PIP5K1B: variants seen among roughly 807,000 people sequenced by gnomAD.
The protein encoded by PIP5K1B is phosphatidylinositol-4-phosphate 5-kinase type 1 beta.
Under a neutral mutation model 67.0 loss-of-function variants are expected in PIP5K1B, and 42 were observed. The observed-to-expected ratio is 0.63, with a 90% CI of 0.49 to 0.81. The LOEUF (loss-of-function observed/expected upper bound fraction) is 0.81. PIP5K1B is among the 30% of genes least tolerant of loss of function. The pLI is 0.00. For synonymous variants in PIP5K1B, 214 were observed against 231.4 expected, an observed-to-expected ratio of 0.92 and a Z score of 0.68; for missense variants, 459 against 646.3, an observed-to-expected ratio of 0.71 and a Z score of 3.14.
intron 2 of PIP5K1B, among the ~76,000 whole-genome samples, chr9:68,743,819 C>T (rs1420030267): frequency 1.3e-5 from 2 of 152,198 alleles, no homozygotes; most frequent in Non-Finnish European, 2.9e-5. Context: ...AAAGAGGCCC[C>T]TGTCCTTCTA....
chr9:68,897,177 T>C (rs1269783029), intron 8 of PIP5K1B, among the ~76,000 whole-genome samples: 1 of 152,174 alleles, frequency 6.6e-6, no homozygotes, highest in Non-Finnish European at 1.5e-5. Flanking sequence ...TCTCCTCTGC[T>C]AAAATTCCTG....
In PIP5K1B at chr9:68,798,519, C is replaced by T. The variant is rs1446918050; in HGVS notation, c.-85-19942C>T. On this transcript the variant is annotated intron_variant, in intron 2 of 15. Coordinates refer to ENST00000265382, the MANE Select transcript of PIP5K1B (RefSeq NM_003558.4). Reference sequence around the variant, plus strand: ...GCTGAGAACTTGAACCACAGAGAAGCACCTGCTTTGGGTAGAGTGGCCAGG... The same window carrying T: ...GCTGAGAACTTGAACCACAGAGAAGTACCTGCTTTGGGTAGAGTGGCCAGG... Among the ~76,000 whole-genome samples the T allele has an allele frequency of 2.0e-5, 3 of 152,058 alleles. No homozygotes were observed. The East Asian group carries it at 5.8e-4, about 29-fold the overall frequency.
chr9:68,750,524 T>G (rs1237355976), intron 2 of PIP5K1B, among the ~76,000 whole-genome samples: 4 of 152,186 alleles, frequency 2.6e-5, no homozygotes, highest in Non-Finnish European at 5.9e-5. Flanking sequence ...TTTAGCAGGT[T>G]TTGGTGAAAT....
intron 2 of PIP5K1B, chr9:68,784,141 G>T (rs1337404283): frequency 6.0e-6 from 1 of 167,082 alleles, no homozygotes; most frequent in East Asian, 1.9e-4. Flanking sequence ...GGTTCTAAGG[G>T]CATGTGGACA....
chr9:68,960,866 A>G (rs1376988582), intron 14 of PIP5K1B, among the ~76,000 whole-genome samples: 4 of 152,214 alleles, frequency 2.6e-5, no homozygotes, highest in Admixed American at 6.5e-5. Context: ...CTTTTACAAT[A>G]GTAGCTTCTC....
At chr9:68,790,597 C>T (rs1242453061) in intron 2 of PIP5K1B, among the ~76,000 whole-genome samples, 1 of 78,312 alleles carries the variant, frequency 1.3e-5, no homozygotes, top group Non-Finnish European at 3.2e-5. Context: ...CATGAGCGCG[C>T]ACACACACAC....
intron 1 of PIP5K1B, chr9:68,707,828 C>G (rs1827194335): frequency 6.6e-6 from 1 of 152,184 alleles, no homozygotes; most frequent in African/African-American, 2.4e-5. Flanking sequence ...AGTTCTGGGA[C>G]TACATTTGGC....
At chr9:68,800,109 A>G (rs1564145197) in intron 2 of PIP5K1B, among the ~76,000 whole-genome samples, 1 of 152,364 alleles carries the variant, frequency 6.6e-6, no homozygotes, top group South Asian at 2.1e-4. Context: ...GAAAACATAC[A>G]TGAGCCTGGC....
chr9:68,751,316 T>C (rs1417059949), intron 2 of PIP5K1B, among the ~76,000 whole-genome samples: 1 of 152,266 alleles, frequency 6.6e-6, no homozygotes, highest in African/African-American at 2.4e-5. Flanking sequence ...TAAATATTCA[T>C]GGCACTTGTC....
At chr9:68,957,276 G>T (rs564811639) in intron 14 of PIP5K1B, among the ~76,000 whole-genome samples, 12 of 152,074 alleles carry the variant, frequency 7.9e-5, no homozygotes, top group Non-Finnish European at 1.6e-4. Flanking sequence ...TCATTGCAAG[G>T]CTTTTTATGG....
chr9:68,958,769 A>G (rs192040835), intron 14 of PIP5K1B, among the ~76,000 whole-genome samples: 31 of 152,314 alleles, frequency 2.0e-4, no homozygotes, highest in African/African-American at 6.5e-4. Context: ...TCACACCACA[A>G]ATTTTAAAAG....
At chr9:68,876,878 G>A in intron 6 of PIP5K1B, 84 bp downstream of exon 6, 1 of 755,840 alleles carries the variant, frequency 1.3e-6, no homozygotes, top group South Asian at 1.5e-5. Flanking sequence ...AGTGGCTTGT[G>A]TCTCTCATTT....
intron 15 of PIP5K1B, among the ~76,000 whole-genome samples, chr9:68,992,781 A>C (rs1455688512): frequency 7.2e-6 from 1 of 138,258 alleles, no homozygotes. Context: ...CGGAGGTTGC[A>C]ATGAGCCGAG....
intron 4 of PIP5K1B, among the ~76,000 whole-genome samples, chr9:68,834,730 AG>A (rs1834507755): frequency 6.6e-6 from 1 of 152,202 alleles, no homozygotes; most frequent in African/African-American, 2.4e-5. Flanking sequence ...GTTCACAGAA[AG>A]AACACTTTGA....
intron 2 of PIP5K1B, chr9:68,788,843 A>G (rs1277892333): frequency 8.4e-6 from 2 of 239,028 alleles, no homozygotes; most frequent in Admixed American, 5.3e-5. Flanking sequence ...TATATTTGAC[A>G]TACACTGGGA....
chr9:68,791,767 A>G (rs1564139035), intron 2 of PIP5K1B, among the ~76,000 whole-genome samples: 1 of 152,244 alleles, frequency 6.6e-6, no homozygotes, highest in South Asian at 2.1e-4. Flanking sequence ...TTTCTAAAAT[A>G]CAAACTTGAG....
At chr9:68,800,320 T>C (rs1832532731) in intron 2 of PIP5K1B, among the ~76,000 whole-genome samples, 1 of 152,206 alleles carries the variant, frequency 6.6e-6, no homozygotes, top group Non-Finnish European at 1.5e-5. Flanking sequence ...TCGAATGCAA[T>C]AGTCCTTGAG....
At chr9:68,808,355 A>G (rs1262264776) in intron 2 of PIP5K1B, among the ~76,000 whole-genome samples, 2 of 152,208 alleles carry the variant, frequency 1.3e-5, no homozygotes, top group African/African-American at 2.4e-5. Flanking sequence ...CTTTGCCTCC[A>G]TGCCAAATAT....
chr9:68,758,453 T>C (rs1433639643), intron 2 of PIP5K1B, among the ~76,000 whole-genome samples: 2 of 152,058 alleles, frequency 1.3e-5, no homozygotes, highest in Non-Finnish European at 2.9e-5. Flanking sequence ...AATTCAAAAA[T>C]GCAGTAACCA....
Sources: allele counts gnomAD v4.1 joint callset (sites outside exome capture counted in the v4.1 genomes callset), GRCh38; gene constraint gnomAD v4.1.1; transcripts MANE v1.5; gene names NCBI Gene and HGNC (gene_info 2026-07-23, HGNC 2026-07-21).